Variants in SHOC2 observed in about 807,000 individuals in gnomAD.
SHOC2 encodes leucine-rich repeat protein SHOC-2.
A neutral mutation model predicts 50.2 loss-of-function variants in SHOC2; 4 were observed. The observed-to-expected ratio is 0.08, with a 90% CI of 0.04 to 0.18. SHOC2 has a LOEUF of 0.18. SHOC2 is among the 10% of genes least tolerant of loss of function. SHOC2 has a pLI of 1.00. For missense variants in SHOC2, 388 were observed against 669.6 expected (o/e 0.58, Z 4.64); for synonymous variants, 218 against 244.5 (o/e 0.89, Z 1.01).
At chr10:110,952,344 T>C (rs1483429163) in intron 1 of SHOC2, among the ~76,000 whole-genome samples, 1 of 152,204 alleles carries the variant, frequency 6.6e-6, no homozygotes, top group East Asian at 1.9e-4. Context: ...TCATTATTAT[T>C]GATGAACTTG....
intron 1 of SHOC2, among the ~76,000 whole-genome samples, chr10:110,925,981 G>T (rs191273469): frequency 6.6e-6 from 1 of 152,166 alleles, no homozygotes; most frequent in African/African-American, 2.4e-5. Flanking sequence ...CATTTATCTT[G>T]AGATTACTTA....
chr10:110,921,032 A>G (rs1208366396), intron 1 of SHOC2, among the ~76,000 whole-genome samples: 1 of 152,250 alleles, frequency 6.6e-6, no homozygotes, highest in African/African-American at 2.4e-5. Context: ...ACTGAAAAAT[A>G]GTTTTAATTT....
intron 2 of SHOC2, among the ~76,000 whole-genome samples, chr10:110,968,135 T>C (rs1223087940): frequency 1.3e-5 from 2 of 152,350 alleles, no homozygotes; most frequent in African/African-American, 4.8e-5. Flanking sequence ...CTTGTTATTA[T>C]CCGTCTTTTC....
chr10:110,941,882 T>A (rs1425243110), intron 1 of SHOC2, among the ~76,000 whole-genome samples: 2 of 152,200 alleles, frequency 1.3e-5, no homozygotes, highest in Non-Finnish European at 2.9e-5. Flanking sequence ...ATTTTATAGG[T>A]TTACATTTTA....
Position 111,009,255 on chromosome 10 carries a change from T to C in SHOC2, c.1292T>C (p.Ile431Thr), listed in dbSNP as rs772112498. 4 of 1,561,866 alleles carry C rather than the reference T, an allele frequency of 2.6e-6. No individual in the cohort carries two copies. The highest frequency in any genetic ancestry group is 3.3e-5 in the Admixed American group (2 of 59,710). The change falls in exon 7 of 9, where the codon ATC (isoleucine) becomes ACC (threonine). Residue 431 changes from isoleucine (I) to threonine (T), a missense_variant. By Grantham distance (89) the Ile-to-Thr change is moderately conservative. This residue lies in a region of SHOC2 where 130 missense variants were observed against 208.6 expected (regional missense o/e 0.62). Coordinates refer to ENST00000369452, the MANE Select transcript of SHOC2 (RefSeq NM_007373.4). Reference sequence around the variant, plus strand: ...TCAATAATTTCTCATTAGGTTCTTATCTTATCAAACAATCTTCTAAAGAAG... The same window carrying C: ...TCAATAATTTCTCATTAGGTTCTTACCTTATCAAACAATCTTCTAAAGAAG... ...VSGLVSLEVLILSNNLLKKLP... is the reference protein window; with the variant it reads ...VSGLVSLEVLTLSNNLLKKLP...
At chr10:110,995,314 C>A (rs560106763) in intron 3 of SHOC2, among the ~76,000 whole-genome samples, 1 of 152,162 alleles carries the variant, frequency 6.6e-6, no homozygotes, top group African/African-American at 2.4e-5. Flanking sequence ...TGCCAACTTA[C>A]GGTGAAAACA....
chr10:110,987,706 A>G (rs374023972), intron 3 of SHOC2, among the ~76,000 whole-genome samples: 191 of 152,298 alleles, frequency 1.3e-3, no homozygotes, highest in African/African-American at 4.3e-3. Flanking sequence ...AATGGCCAAG[A>G]TGAACAAGGA....
intron 5 of SHOC2, among the ~76,000 whole-genome samples, chr10:111,005,338 G>A (rs974401969): frequency 3.8e-4 from 58 of 152,128 alleles, no homozygotes; most frequent in African/African-American, 1.3e-3. Flanking sequence ...ATGTATTGCA[G>A]AGCTATCTAT....
chr10:110,977,511 C>T (rs1018341559), intron 2 of SHOC2, among the ~76,000 whole-genome samples: 3 of 152,150 alleles, frequency 2.0e-5, no homozygotes, highest in African/African-American at 7.2e-5. Context: ...TCCCAAAGTG[C>T]TGGGATTACA....
chr10:110,984,567 C>T lies in SHOC2; in HGVS notation c.704-1061C>T, dbSNP rs76626391. The stretch of plus-strand genomic sequence containing the variant: ...ATAGCTTAAAAATGTGTTCCACACC[C>T]ATTCTTCAGAGTTCTGTAGTTTGTG... On this transcript the variant is annotated intron_variant, in intron 2 of 8. Coordinates refer to ENST00000369452, the MANE Select transcript of SHOC2 (RefSeq NM_007373.4). Among the ~76,000 whole-genome samples, 440 of 152,134 alleles carry T rather than the reference C, an allele frequency of 2.9e-3. 10 individuals are homozygous for T. Among genetic ancestry groups the T allele is most frequent in the East Asian group, 0.026 (134 of 5,186 alleles).
At chr10:110,998,125 A>G (rs1848302089) in intron 3 of SHOC2, among the ~76,000 whole-genome samples, 1 of 151,594 alleles carries the variant, frequency 6.6e-6, no homozygotes. Flanking sequence ...TGAGCCTCCC[A>G]AGTAGCTGGG....
chr10:110,957,436 G>GT (rs1238345679), intron 1 of SHOC2, among the ~76,000 whole-genome samples: 3 of 151,790 alleles, frequency 2.0e-5, no homozygotes, highest in Admixed American at 2.0e-4. Context: ...ACTTAACATA[G>GT]TTTTTTACCT....
intron 3 of SHOC2, among the ~76,000 whole-genome samples, chr10:110,990,992 G>A (rs1848176300): frequency 6.6e-6 from 1 of 152,080 alleles, no homozygotes; most frequent in Admixed American, 6.5e-5. Flanking sequence ...CCATCTCTCT[G>A]TTTAGAACTC....
At chr10:110,983,297 T>C (rs1302375298) in intron 2 of SHOC2, among the ~76,000 whole-genome samples, 1 of 152,120 alleles carries the variant, frequency 6.6e-6, no homozygotes, top group Non-Finnish European at 1.5e-5. Context: ...TTTACATTAT[T>C]CTCTTCCTTT....
intron 1 of SHOC2, among the ~76,000 whole-genome samples, chr10:110,947,913 C>G (rs1847278318): frequency 6.6e-6 from 1 of 152,054 alleles, no homozygotes; most frequent in South Asian, 2.1e-4. Flanking sequence ...ATTAAGTTCT[C>G]TAATCAAAAG....
chr10:110,981,873 T>TA (rs200087611), intron 2 of SHOC2, among the ~76,000 whole-genome samples: 87,741 of 115,276 alleles, frequency 0.76, 30,578 homozygotes, highest in Admixed American at 0.83. Flanking sequence ...TTTATTTATT[T>TA]TTTTAAGTTT....
chr10:110,987,093 ATAACT>A (rs891879561), intron 3 of SHOC2, among the ~76,000 whole-genome samples: 2 of 152,140 alleles, frequency 1.3e-5, no homozygotes, highest in African/African-American at 4.8e-5. Flanking sequence ...TGCTGGAAAA[ATAACT>A]TAGCCTTTTA....
At chr10:110,988,503 CTTA>C (rs1222160251) in intron 3 of SHOC2, among the ~76,000 whole-genome samples, 2 of 152,004 alleles carry the variant, frequency 1.3e-5, no homozygotes, top group African/African-American at 2.4e-5. Context: ...TCATAACATT[CTTA>C]TTATTTTAAT....
At chr10:110,965,203 C>T (rs1219191408) in intron 2 of SHOC2, 142 bp downstream of exon 2, 7 of 728,462 alleles carry the variant, frequency 9.6e-6, no homozygotes, top group Admixed American at 7.2e-5. Context: ...TTACTTTATT[C>T]CATTTTCAGC....
Sources: gnomAD v4.1 joint callset for allele counts (sites outside exome capture counted in the v4.1 genomes callset) on GRCh38, gnomAD v4.1.1 for gene constraint, gnomAD v4.1.1 regional missense constraint, MANE v1.5 for transcripts, NCBI Gene and HGNC (gene_info 2026-07-23, HGNC 2026-07-21) for gene names.